Variants in PLEC observed in about 807,000 individuals in gnomAD.
PLEC encodes hemidesmosomal protein 1.
In PLEC, 216 loss-of-function variants were observed where a neutral mutation model predicts 392.8. That is an observed-to-expected ratio of 0.55 (90% CI 0.49 to 0.62). The LOEUF is 0.62. PLEC is among the 20% of genes least tolerant of loss of function. The pLI is 0.00. For missense variants in PLEC, 6,863 were observed against 6,563.4 expected (o/e 1.05, Z -1.58); for synonymous variants, 3,621 against 2,980.6 (o/e 1.21, Z -7.00).
chr8:143,976,294 G>A (rs1554746015), upstream of PLEC, among the ~76,000 whole-genome samples: 1 of 152,146 alleles, frequency 6.6e-6, no homozygotes, highest in Non-Finnish European at 1.5e-5. Flanking sequence ...GGAGGTGAAT[G>A]GGGCTCTGTC....
At chr8:143,953,869 G>C, upstream of PLEC, 1 of 1,557,150 alleles carries the variant, frequency 6.4e-7, no homozygotes, top group South Asian at 1.2e-5. Context: ...GGAGGAGCCC[G>C]GAGGTCCGGG....
rs370454085 is a variant in PLEC at position 143,935,261 on chromosome 8, G to A, written c.655C>T (p.Leu219=). 36 of 1,611,554 alleles carry A rather than the reference G, an allele frequency of 2.2e-5. No homozygotes were observed. In the African/African-American group the frequency reaches 4.4e-4, roughly 20 times the overall value. The change falls in exon 7 of 32, where the codon CTG becomes TTG. Residue 219 remains leucine, a synonymous_variant. Coordinates refer to ENST00000345136, the MANE Select transcript of PLEC (RefSeq NM_201384.3). The part of the protein sequence containing the change: ...KVYRQTNLEN[L]DQAFSVAERD... ...TCCGCCACAGAGAAGGCCTGGTCCAGGTTCTCCAGGTTGGTCTGCCGGTAC... is the reference window on the plus strand; with the variant it reads ...TCCGCCACAGAGAAGGCCTGGTCCAAGTTCTCCAGGTTGGTCTGCCGGTAC...
chr8:143,964,170 A>C (rs782614846), intron 1 of PLEC, among the ~76,000 whole-genome samples: 1 of 152,176 alleles, frequency 6.6e-6, no homozygotes, highest in Non-Finnish European at 1.5e-5. Flanking sequence ...GCATGTTGGC[A>C]TAAGAAACAT....
At chr8:143,950,533 C>T in exon 1 of PLEC, 1 of 1,607,668 alleles carries the variant, frequency 6.2e-7, no homozygotes, top group Non-Finnish European at 8.5e-7. Context: ...GGACCAGGCC[C>T]CGTGCCCGCA....
upstream of PLEC, among the ~76,000 whole-genome samples, chr8:143,952,992 C>CT: frequency 1.1e-5 from 1 of 92,562 alleles, no homozygotes; most frequent in Non-Finnish European, 2.5e-5. Flanking sequence ...GCATGCGCCA[C>CT]CCCCCCCCGC....
At chr8:143,946,599 AG>A in intron 1 of PLEC, 1 of 335,768 alleles carries the variant, frequency 3.0e-6, no homozygotes, top group Non-Finnish European at 5.9e-6. Context: ...CTGGGGGTGC[AG>A]GGGACTGGCC....
At chr8:143,930,894 C>T (rs978293603) in intron 19 of PLEC, among the ~76,000 whole-genome samples, 8 of 152,152 alleles carry the variant, frequency 5.3e-5, no homozygotes, top group Non-Finnish European at 8.8e-5. Context: ...GGCCGCAGGA[C>T]GGCACACACC....
chr8:143,937,254 C>G lies in PLEC; in HGVS notation c.265-12G>C, dbSNP rs950087465. 1 of 1,603,886 alleles carries G rather than the reference C, an allele frequency of 6.2e-7. No homozygotes were observed. Among genetic ancestry groups the G allele is most frequent in the Admixed American group, 1.7e-5 (1 of 59,988 alleles). ...CCCTTCTCCCGGGGCTGTGGGGAGG[C>G]ACAGTCAGCACCCACAGTGCAGCTG... On this transcript the variant is annotated splice_polypyrimidine_tract_variant and intron_variant, in intron 3 of 31. Coordinates refer to ENST00000345136, the MANE Select transcript of PLEC (RefSeq NM_201384.3).
At chr8:143,938,306 A>T in intron 2 of PLEC, 66 bp from the exon 3 acceptor site, 2 of 1,536,436 alleles carry the variant, frequency 1.3e-6, no homozygotes, top group South Asian at 2.4e-5. Flanking sequence ...TGAGTGGCTG[A>T]TCTACAGAGT....
exon 1 of PLEC, chr8:143,950,819 C>T (rs1299610183): frequency 9.3e-6 from 14 of 1,497,518 alleles, no homozygotes; most frequent in South Asian, 3.8e-5. Flanking sequence ...CAGCGGGCAG[C>T]GGCAGGGCAG....
At position 143,919,711 on chromosome 8, in the gene PLEC, G is replaced by A. The variant is rs1821877190; in HGVS notation, c.10110C>T (p.Ser3370=). ...IYLEDTKEKV[S]IYEAMRRGLL... is the part of the protein sequence containing the mutation. ...GGCCCCGGCGCATGGCCTCGTAGAT[G>A]GACACCTTCTCCTTGGTGTCCTCCA... The change falls in exon 32 of 32, where the codon TCC becomes TCT. Residue 3370 remains serine (S), a synonymous_variant. Coordinates refer to ENST00000345136, the MANE Select transcript of PLEC (RefSeq NM_201384.3). 16 of 1,605,482 alleles carry A rather than the reference G, an allele frequency of 1.0e-5. No homozygotes were observed. Among genetic ancestry groups the A allele is most frequent in the Non-Finnish European group, 1.2e-5 (14 of 1,176,094 alleles).
upstream of PLEC, among the ~76,000 whole-genome samples, chr8:143,941,161 G>A (rs1830384580): frequency 6.6e-6 from 1 of 152,190 alleles, no homozygotes; most frequent in Non-Finnish European, 1.5e-5. Context: ...CAAGCCCCGC[G>A]CCTGCTGGGT....
In PLEC at chr8:143,921,085, C is replaced by T. The variant is rs561518097; in HGVS notation, c.8736G>A (p.Ala2912=). The T allele has an allele frequency of 2.9e-5, 46 of 1,611,890 alleles. No homozygotes were observed. Among genetic ancestry groups the T allele is most frequent in the South Asian group, 2.1e-4 (19 of 91,092 alleles). The change falls in exon 32 of 32, where the codon GCG becomes GCA. Residue 2912 remains alanine (A), a synonymous_variant. Transcript: ENST00000345136. The part of the protein sequence containing the change: ...RDVFEKATVS[A]PFGKFQGKTV... ...TCTTGCCCTGGAACTTGCCGAACGGCGCAGACACGGTGGCCTTCTCAAAGA... is the reference window on the plus strand; with the variant it reads ...TCTTGCCCTGGAACTTGCCGAACGGTGCAGACACGGTGGCCTTCTCAAAGA...
chr8:143,946,234 C>T, intron 1 of PLEC: 1 of 708,752 alleles, frequency 1.4e-6, no homozygotes, highest in Non-Finnish European at 2.1e-6. Context: ...TGTGCCTATC[C>T]CTGCATCCCA....
At chr8:143,961,302 T>G (rs1459042246) in intron 1 of PLEC, among the ~76,000 whole-genome samples, 2 of 151,962 alleles carry the variant, frequency 1.3e-5, no homozygotes, top group Non-Finnish European at 2.9e-5. Context: ...CTCAGCTCAC[T>G]GCAACCTCCG....
chr8:143,945,789 C>G (rs905601837), intron 1 of PLEC, among the ~76,000 whole-genome samples: 1 of 152,242 alleles, frequency 6.6e-6, no homozygotes, highest in African/African-American at 2.4e-5. Context: ...CTGGGAAGCC[C>G]GCGGACAACA....
Position 143,920,531 on chromosome 8 carries a change from G to A in PLEC, c.9290C>T (p.Ser3097Leu), listed in dbSNP as rs112196104. 1.8e-4 allele frequency: 286 copies of A among 1,611,358 alleles called. No homozygotes were observed. The highest frequency in any genetic ancestry group is 2.3e-4 in the Non-Finnish European group (266 of 1,179,586). The change falls in exon 32 of 32, where the codon TCA becomes TTA. Residue 3097 changes from serine to leucine, a missense_variant. Physicochemically the swap from Ser to Leu is moderately radical, Grantham distance 145. Coordinates refer to ENST00000345136, the MANE Select transcript of PLEC (RefSeq NM_201384.3). ...VGPEFHEKLL[S>L]AEKAVTGYRD... Reference sequence around the variant, plus strand: ...GTACCCTGTCACAGCCTTCTCGGCTGATAGCAGCTTCTCATGAAACTCGGG... The same window carrying A: ...GTACCCTGTCACAGCCTTCTCGGCTAATAGCAGCTTCTCATGAAACTCGGG...
rs2131353974 is a variant in PLEC, at chr8:143,923,821, C to T, written c.6108G>A (p.Leu2036=). 2 of 1,584,030 alleles carry T rather than the reference C, an allele frequency of 1.3e-6. No homozygotes were observed. Among genetic ancestry groups the T allele is most frequent in the Admixed American group, 1.7e-5 (1 of 58,500 alleles). Residue 2036 remains leucine, a synonymous_variant, in exon 31 of 32, where the codon CTG becomes CTA. Coordinates refer to ENST00000345136, the MANE Select transcript of PLEC (RefSeq NM_201384.3). ...ERAEQESARQ[L]QLAQEAAQKR... is the part of the protein sequence containing the mutation. ...TCTGGGCGGCCTCCTGGGCCAGCTG[C>T]AGCTGCCGCGCCGACTCCTGCTCCG...
At chr8:143,949,390 G>A (rs1357617976) in intron 1 of PLEC, among the ~76,000 whole-genome samples, 1 of 152,190 alleles carries the variant, frequency 6.6e-6, no homozygotes, top group Non-Finnish European at 1.5e-5. Context: ...CGGGCTGCAG[G>A]GGACACATCT....
Sources: allele counts gnomAD v4.1 joint callset (sites outside exome capture counted in the v4.1 genomes callset), GRCh38; gene constraint gnomAD v4.1.1; transcripts MANE v1.5; gene names NCBI Gene and HGNC (gene_info 2026-07-23, HGNC 2026-07-21).